The following RAP1GAP2 variants were observed in gnomAD, a reference collection of about 807,000 sequenced individuals.
The protein encoded by RAP1GAP2 is RAP1 GTPase activating protein 2, also known as rap1 GTPase-activating protein 2.
Under a neutral mutation model 95.0 loss-of-function variants are expected in RAP1GAP2, and 27 were observed. That is an observed-to-expected ratio of 0.28 (90% CI 0.21 to 0.39). RAP1GAP2 has a LOEUF of 0.39. Ranked by LOEUF, RAP1GAP2 falls within the 10% of genes least tolerant of loss-of-function variation. The probability of loss-of-function intolerance (pLI) is 1.00; values close to 1 mark genes in which losing one functional copy is unlikely to be tolerated. For synonymous variants in RAP1GAP2, 373 were observed against 380.9 expected (o/e 0.98, Z 0.24); for missense variants, 771 against 970.0 (o/e 0.79, Z 2.72).
chr17:2,911,571 C>T (rs1009982899), intron 3 of RAP1GAP2, among the ~76,000 whole-genome samples: 1 of 151,794 alleles, frequency 6.6e-6, no homozygotes, highest in African/African-American at 2.4e-5. Context: ...GAGAGCCTGC[C>T]GTCTACAGGG....
At position 2,965,929 on chromosome 17, in the gene RAP1GAP2, A is replaced by G. The variant is rs1172945274; in HGVS notation, c.596+286A>G. Reference sequence around the variant, plus strand: ...TCTTTCTTACAAGTCCATGGCTCTGAGGAAGACGGGAAGAAAAGTAGGGAT... The same window carrying G: ...TCTTTCTTACAAGTCCATGGCTCTGGGGAAGACGGGAAGAAAAGTAGGGAT... On this transcript the variant is annotated intron_variant, in intron 8 of 24. Transcript: ENST00000254695. This position sits in a 1 kb window ranked among gnomAD's most constrained non-coding sequence, Gnocchi z 4.7. 4 of 422,798 alleles carry G rather than the reference A, an allele frequency of 9.5e-6. No homozygotes were observed. Among genetic ancestry groups the G allele is most frequent in the African/African-American group, 7.9e-5 (4 of 50,490 alleles). 26.2% of individuals were successfully genotyped at this position (422,798 alleles called of 1,614,324 possible).
chr17:2,853,805 C>T (rs1245914712), intron 2 of RAP1GAP2: 2 of 523,720 alleles, frequency 3.8e-6, no homozygotes, highest in Non-Finnish European at 4.9e-6. Context: ...CGAGGAGACG[C>T]TGAAGGTCGC....
At chr17:3,032,673 T>C (rs543668248) in intron 24 of RAP1GAP2, among the ~76,000 whole-genome samples, 1 of 152,260 alleles carries the variant, frequency 6.6e-6, no homozygotes, top group East Asian at 1.9e-4. Flanking sequence ...GGACTAGACG[T>C]ACTAGTTAGG....
chr17:2,998,130 G>T, intron 13 of RAP1GAP2, 91 bp from the exon 14 acceptor site: 1 of 1,374,868 alleles, frequency 7.3e-7, no homozygotes, highest in Non-Finnish European at 1.0e-6. Context: ...CAGTTTTCCT[G>T]TGTGCAAAGG....
intron 2 of RAP1GAP2, among the ~76,000 whole-genome samples, chr17:2,889,667 C>T (rs1171052681): frequency 1.4e-5 from 2 of 144,612 alleles, no homozygotes; most frequent in Non-Finnish European, 3.0e-5. Context: ...GAGGTTTGAT[C>T]GATCTGCGCT....
At position 2,963,938 on chromosome 17, in the gene RAP1GAP2, G is replaced by A. The variant is rs199980639; in HGVS notation, c.362G>A (p.Gly121Asp). The change falls in exon 7 of 25, where the codon GGC (glycine) becomes GAC (aspartate). Residue 121 changes from glycine to aspartate, a missense_variant. By Grantham distance (94) the Gly-to-Asp change is moderately conservative. Transcript: ENST00000254695. The surrounding 1 kb of genome is among the most constrained non-coding windows in gnomAD (Gnocchi z 4.8). Reference sequence around the variant, plus strand: ...TGGATCGAGGACCCGGAGAACGTGGGCACCCCAACATCGCTGGGGAGCAGC... The same window carrying A: ...TGGATCGAGGACCCGGAGAACGTGGACACCCCAACATCGCTGGGGAGCAGC... ...GYWIEDPENV[G>D]TPTSLGSSIC... is the part of the protein sequence containing the mutation. The A allele has an allele frequency of 2.1e-4, 333 of 1,613,334 alleles. 1 individual carries two copies. In the Middle Eastern group the frequency reaches 6.9e-3, roughly 34 times the overall value.
intron 1 of RAP1GAP2, among the ~76,000 whole-genome samples, chr17:2,780,743 C>T (rs565452544): frequency 2.6e-5 from 4 of 152,232 alleles, no homozygotes; most frequent in Non-Finnish European, 4.4e-5. Context: ...AAGTCTACTC[C>T]GATCTCTGCA....
intron 3 of RAP1GAP2, among the ~76,000 whole-genome samples, chr17:2,947,979 C>T (rs1191162966): frequency 1.3e-5 from 2 of 152,172 alleles, no homozygotes; most frequent in African/African-American, 4.8e-5. Flanking sequence ...ACCTGCTCCT[C>T]CATCCTTGTC....
intron 19 of RAP1GAP2, among the ~76,000 whole-genome samples, chr17:3,022,806 C>A (rs1035168855): frequency 3.9e-5 from 6 of 152,032 alleles, no homozygotes; most frequent in African/African-American, 1.4e-4. Flanking sequence ...AAGTTTTTGC[C>A]CAGACAGACC....
At chr17:2,926,327 C>T (rs73976723) in intron 3 of RAP1GAP2, among the ~76,000 whole-genome samples, 2,942 of 152,246 alleles carry the variant, frequency 0.019, 98 homozygotes, top group African/African-American at 0.067. Context: ...TCTCTACAAC[C>T]CATCTGGCAG....
chr17:2,829,025 C>T (rs1288805823), intron 2 of RAP1GAP2, among the ~76,000 whole-genome samples: 1 of 121,722 alleles, frequency 8.2e-6, no homozygotes, highest in Non-Finnish European at 1.6e-5. Flanking sequence ...CTCTGTCGCC[C>T]AGGCTGGAGT....
chr17:2,852,729 C>A (rs1202100423), intron 2 of RAP1GAP2, among the ~76,000 whole-genome samples: 1 of 151,988 alleles, frequency 6.6e-6, no homozygotes, highest in African/African-American at 2.4e-5. Flanking sequence ...CCTAGAGGGG[C>A]AAAGCTGTGA....
Position 2,866,556 on chromosome 17 carries a change from C to T in RAP1GAP2, c.81-38728C>T, listed in dbSNP as rs2072620240. 6.6e-6 allele frequency among the ~76,000 whole-genome samples: 1 copy of T among 152,134 alleles called. No individual in the cohort carries two copies. Among genetic ancestry groups the T allele is most frequent in the South Asian group, 2.1e-4 (1 of 4,824 alleles). ...TGTGTTGGTGAGGCAGTAGATAATA[C>T]CCCCAAATGTCCCTTCTGATTGGTA... On this transcript the variant is annotated intron_variant, in intron 2 of 24. Transcript: ENST00000254695. The surrounding 1 kb of genome is among the most constrained non-coding windows in gnomAD (Gnocchi z 4.0).
At chr17:2,966,549 G>C (rs1461087727) in intron 8 of RAP1GAP2, among the ~76,000 whole-genome samples, 1 of 152,146 alleles carries the variant, frequency 6.6e-6, no homozygotes, top group Non-Finnish European at 1.5e-5. Flanking sequence ...AAATATTGGA[G>C]GGAATAAGGA....
At chr17:2,915,530 T>C (rs1450961701) in intron 3 of RAP1GAP2, among the ~76,000 whole-genome samples, 2 of 152,064 alleles carry the variant, frequency 1.3e-5, no homozygotes, top group African/African-American at 4.8e-5. Context: ...CCAACGCGCC[T>C]GGCCCATTTC....
At chr17:2,789,780 T>TG (rs1241445528) in intron 1 of RAP1GAP2, among the ~76,000 whole-genome samples, 2 of 25,312 alleles carry the variant, frequency 7.9e-5, no homozygotes, top group East Asian at 1.6e-3. Context: ...AGACTCCATC[T>TG]GAAAAAAAAA....
chr17:2,779,412 G>T (rs932892185), intron 1 of RAP1GAP2, among the ~76,000 whole-genome samples: 1 of 152,178 alleles, frequency 6.6e-6, no homozygotes, highest in East Asian at 1.9e-4. Flanking sequence ...AGGTGGGTCC[G>T]CATAAGAGGA....
At chr17:3,021,378 C>T (rs967675228) in intron 19 of RAP1GAP2, among the ~76,000 whole-genome samples, 33 of 151,124 alleles carry the variant, frequency 2.2e-4, no homozygotes, top group South Asian at 6.3e-4. Context: ...TCTATCTCCA[C>T]GAGATTCACT....
upstream of RAP1GAP2, among the ~76,000 whole-genome samples, chr17:2,776,594 G>T (rs2068504513): frequency 2.0e-5 from 3 of 152,086 alleles, no homozygotes; most frequent in Admixed American, 1.3e-4. Context: ...CGCAGGCAGC[G>T]GCACAGGGAC....
Sources: gnomAD v4.1 joint callset for allele counts (sites outside exome capture counted in the v4.1 genomes callset) on GRCh38, gnomAD v4.1.1 for gene constraint, Gnocchi (gnomAD v3.1) non-coding constraint, MANE v1.5 for transcripts, NCBI Gene and HGNC (gene_info 2026-07-23, HGNC 2026-07-21) for gene names.